Variants in UPF2 observed in about 807,000 individuals in gnomAD.
UPF2 encodes UPF2 regulator of nonsense mediated mRNA decay.
A neutral mutation model predicts 141.4 loss-of-function variants in UPF2; 17 were observed. That is an observed-to-expected ratio of 0.12 (90% CI 0.08 to 0.18). UPF2 has a LOEUF of 0.18. Ranked by LOEUF, UPF2 falls within the 10% of genes least tolerant of loss-of-function variation. The pLI is 1.00. For missense variants in UPF2, 1,152 were observed against 1,515.9 expected (o/e 0.76, Z 3.99); for synonymous variants, 540 against 498.0 (o/e 1.08, Z -1.12).
intron 16 of UPF2, among the ~76,000 whole-genome samples, chr10:11,947,464 A>G (rs1467177397): frequency 6.6e-6 from 1 of 152,188 alleles, no homozygotes; most frequent in Non-Finnish European, 1.5e-5. Context: ...CTGACTAAAA[A>G]GTCCATATTC....
At chr10:11,930,539 T>G (rs1248603604) in intron 20 of UPF2, among the ~76,000 whole-genome samples, 1 of 152,202 alleles carries the variant, frequency 6.6e-6, no homozygotes, top group Non-Finnish European at 1.5e-5. Context: ...CACTTTGGGA[T>G]GCAGAGGCGG....
chr10:12,021,379 ATTTTTT>A (rs1554784159), intron 3 of UPF2, among the ~76,000 whole-genome samples: 1 of 147,148 alleles, frequency 6.8e-6, no homozygotes, highest in Admixed American at 6.8e-5. Context: ...AAAAAAAAAA[ATTTTTT>A]TAAATTAGCC....
chr10:12,011,240 T>C, intron 4 of UPF2, among the ~76,000 whole-genome samples: 1 of 152,224 alleles, frequency 6.6e-6, no homozygotes, highest in Non-Finnish European at 1.5e-5. Flanking sequence ...TCCTCCTGCC[T>C]TGGCCTCCCA....
intron 19 of UPF2, among the ~76,000 whole-genome samples, chr10:11,933,560 A>G (rs1165168487): frequency 6.6e-6 from 1 of 152,212 alleles, no homozygotes; most frequent in Non-Finnish European, 1.5e-5. Flanking sequence ...AAATTACATA[A>G]GCCACCCGGT....
chr10:12,026,660 T>C (rs765342898), intron 3 of UPF2: 14 of 453,334 alleles, frequency 3.1e-5, no homozygotes, highest in South Asian at 2.2e-4. Flanking sequence ...TTTTTTTTTT[T>C]TTTTTTTAGG....
At chr10:11,978,591 C>CA (rs1420760741) in intron 9 of UPF2, among the ~76,000 whole-genome samples, 1 of 152,130 alleles carries the variant, frequency 6.6e-6, no homozygotes, top group Non-Finnish European at 1.5e-5. Context: ...CTTCTTAAGG[C>CA]AAAATCAAAG....
At chr10:11,933,609 A>G (rs1468501678) in intron 19 of UPF2, among the ~76,000 whole-genome samples, 1 of 152,228 alleles carries the variant, frequency 6.6e-6, no homozygotes, top group East Asian at 1.9e-4. Flanking sequence ...TATTCCTTCT[A>G]AAATACACAT....
At chr10:12,036,701 C>G (rs1449964046) in intron 1 of UPF2, among the ~76,000 whole-genome samples, 1 of 152,178 alleles carries the variant, frequency 6.6e-6, no homozygotes, top group Non-Finnish European at 1.5e-5. Context: ...CACGTTTTAA[C>G]TCCTAAATTA....
At chr10:11,951,890 ATTAC>A (rs1368051769) in intron 15 of UPF2, 172 bp downstream of exon 15, 4 of 586,354 alleles carry the variant, frequency 6.8e-6, no homozygotes, top group African/African-American at 1.9e-5. Context: ...CCGGTTTGAA[ATTAC>A]TTAGTGAAAT....
At position 11,952,183 on chromosome 10, in the gene UPF2, C is replaced by G; in HGVS notation, c.2917G>C (p.Asp973His). ...TCTAGTGTATCACTGATCATGTAATCTATATCAATAGGAAATGGATGGTCT... is the reference window on the plus strand; with the variant it reads ...TCTAGTGTATCACTGATCATGTAATGTATATCAATAGGAAATGGATGGTCT... Reference protein sequence around the residue: ...TKDHPFPIDIDYMISDTLELL... With the variant: ...TKDHPFPIDIHYMISDTLELL... Residue 973 changes from aspartate (D) to histidine (H), a missense_variant, in exon 15 of 22, where the codon GAT becomes CAT. Asp to His is a moderately conservative substitution (Grantham distance 81). Coordinates refer to ENST00000357604, the MANE Select transcript of UPF2 (RefSeq NM_015542.4). 6.2e-7 allele frequency: 1 copy of G among 1,613,814 alleles called. No homozygotes were observed. Among genetic ancestry groups the G allele is most frequent in the Non-Finnish European group, 8.5e-7 (1 of 1,179,856 alleles).
At position 11,928,771 on chromosome 10, in the gene UPF2, T is replaced by A. The variant is rs887293386; in HGVS notation, c.3809+1094A>T. 53 of 302,342 alleles carry A rather than the reference T, an allele frequency of 1.8e-4. 2 individuals carry two copies. The highest frequency in any genetic ancestry group is 3.3e-4 in the Non-Finnish European group (51 of 154,638). The allele number at this position is 302,342 out of a possible 1,614,324, so 18.7% of individuals were successfully genotyped here. On this transcript the variant is annotated intron_variant, in intron 21 of 21. Coordinates refer to ENST00000357604, the MANE Select transcript of UPF2 (RefSeq NM_015542.4). ...ATTAGGGAACATCTTCATTTTCAAATTCTTTATAGAGTTTTAAATTATCTC... is the reference window on the plus strand; with the variant it reads ...ATTAGGGAACATCTTCATTTTCAAAATCTTTATAGAGTTTTAAATTATCTC...
intron 8 of UPF2, among the ~76,000 whole-genome samples, chr10:11,985,278 AAAAT>A (rs1297363018): frequency 6.6e-6 from 1 of 152,240 alleles, no homozygotes; most frequent in Non-Finnish European, 1.5e-5. Flanking sequence ...ATTACTTCAC[AAAAT>A]AAAATCCTTT....
In UPF2 at chr10:12,029,510, G is replaced by T. The variant is rs374250395; in HGVS notation, c.380C>A (p.Ser127Tyr). The T allele has an allele frequency of 2.1e-5, 34 of 1,582,808 alleles. No individual in the cohort carries two copies. The highest frequency in any genetic ancestry group is 2.9e-5 in the Non-Finnish European group (34 of 1,171,136). Residue 127 changes from serine (S) to tyrosine (Y), a missense_variant, in exon 3 of 22, where the codon TCC becomes TAC. Ser to Tyr is a moderately radical substitution (Grantham distance 144, BLOSUM62 -2). Transcript: ENST00000357604. ...CCAAGCTTCCTGATGAAGCTGAATG[G>T]ATTCTTCTTTTTCTCTATATAAAAA... Reference protein sequence around the residue: ...AAAQMKEKEESIQLHQEAWER... With the variant: ...AAAQMKEKEEYIQLHQEAWER...
chr10:11,921,229 A>C lies in UPF2; in HGVS notation c.*69T>G. The C allele has an allele frequency of 6.2e-7, 1 of 1,604,936 alleles. No homozygotes were observed. Among genetic ancestry groups the C allele is most frequent in the South Asian group, 1.1e-5 (1 of 90,882 alleles). On this transcript the variant is annotated 3_prime_UTR_variant, in exon 22 of 22. Coordinates refer to ENST00000357604, the MANE Select transcript of UPF2 (RefSeq NM_015542.4). This position sits in a 1 kb window ranked among gnomAD's most constrained non-coding sequence, Gnocchi z 5.9. ...TGAGATGTGTCCACTGCTCTCATTC[A>C]ATTGCTGGAGGACTCCACTAACCAC... is the stretch of plus-strand genomic sequence containing the variant.
intron 10 of UPF2, among the ~76,000 whole-genome samples, chr10:11,965,966 A>G (rs763096755): frequency 6.6e-6 from 1 of 152,248 alleles, no homozygotes; most frequent in African/African-American, 2.4e-5. Context: ...TTTCAAATGC[A>G]GAAGAATTAT....
At chr10:12,030,218 A>AG (rs879463394) in intron 2 of UPF2, among the ~76,000 whole-genome samples, 6 of 152,250 alleles carry the variant, frequency 3.9e-5, no homozygotes, top group Non-Finnish European at 7.4e-5. Context: ...ATGGGCAAAG[A>AG]GAAAAAAAAA....
chr10:12,035,212 T>C lies in UPF2; in HGVS notation c.212A>G (p.Glu71Gly), dbSNP rs1834602366. The C allele has an allele frequency of 6.2e-7, 1 of 1,613,774 alleles. No individual in the cohort carries two copies. The highest frequency in any genetic ancestry group is 8.5e-7 in the Non-Finnish European group (1 of 1,179,984). Residue 71 changes from glutamate to glycine, a missense_variant, in exon 2 of 22, where the codon GAA (glutamate) becomes GGA (glycine). Around this residue, in one of 4 missense-constraint regions of UPF2, gnomAD observed 145 missense variants for 136.5 expected, o/e 1.06. Coordinates refer to ENST00000357604, the MANE Select transcript of UPF2 (RefSeq NM_015542.4). Reference protein sequence around the residue: ...EDDKRKKEDKERKKKDEEKVK... With the variant: ...EDDKRKKEDKGRKKKDEEKVK... ...CTTTTCTTCGTCTTTTTTCTTGCGT[T>C]CCTTGTCTTCCTTTTTTCTCTTATC...
In UPF2 at chr10:12,016,087, C is replaced by A. The variant is rs984432740; in HGVS notation, c.1146-1903G>T. On this transcript the variant is annotated intron_variant, in intron 3 of 21. Transcript: ENST00000357604. The surrounding 1 kb of genome is among the most constrained non-coding windows in gnomAD (Gnocchi z 4.1). ...TGTGAATGAATTTTAAAAATTAAAA[C>A]AAAAACCCATAGCATTTTAACATAC... 6.6e-6 allele frequency among the ~76,000 whole-genome samples: 1 copy of A among 151,992 alleles called. No individual in the cohort carries two copies. Among genetic ancestry groups the A allele is most frequent in the African/African-American group, 2.4e-5 (1 of 41,394 alleles).
At chr10:12,022,712 C>A (rs1331895426) in intron 3 of UPF2, among the ~76,000 whole-genome samples, 1 of 152,106 alleles carries the variant, frequency 6.6e-6, no homozygotes, top group African/African-American at 2.4e-5. Context: ...ACCAATTAAA[C>A]AACCTACCTG....
Sources: gnomAD v4.1 joint callset for allele counts (sites outside exome capture counted in the v4.1 genomes callset) on GRCh38, gnomAD v4.1.1 for gene constraint, gnomAD v4.1.1 regional missense constraint, Gnocchi (gnomAD v3.1) non-coding constraint, MANE v1.5 for transcripts, NCBI Gene and HGNC (gene_info 2026-07-23, HGNC 2026-07-21) for gene names.